DDR2: variants seen among roughly 807,000 people sequenced by gnomAD.
DDR2 encodes discoidin domain-containing receptor 2.
In DDR2, 27 loss-of-function variants were observed where a neutral mutation model predicts 94.9. That is an observed-to-expected ratio of 0.28 (90% CI 0.21 to 0.39). The LOEUF is 0.39. Among genes scored for constraint, DDR2 ranks in the 10% least tolerant of loss-of-function variants. DDR2 has a pLI of 1.00. For missense variants in DDR2, 783 were observed against 1,076.0 expected, an observed-to-expected ratio of 0.73 and a Z score of 3.81; for synonymous variants, 382 against 377.2, an observed-to-expected ratio of 1.01 and a Z score of -0.15.
At chr1:162,676,033 A>C (rs952101341) in intron 2 of DDR2, among the ~76,000 whole-genome samples, 1 of 152,236 alleles carries the variant, frequency 6.6e-6, no homozygotes, top group South Asian at 2.1e-4. Flanking sequence ...AAGTGAGTTG[A>C]AAACTGTGTG....
In DDR2 at chr1:162,742,817, G is replaced by A. The variant is rs147060513; in HGVS notation, c.83-10278G>A. ...AGGCCTCAGAATCATGGCACGAGGC[G>A]AAAGGCACTTCTTACATGGCAGCAG... On this transcript the variant is annotated intron_variant, in intron 3 of 17. Coordinates refer to ENST00000367921, the MANE Select transcript of DDR2 (RefSeq NM_006182.4). 5.2e-3 allele frequency among the ~76,000 whole-genome samples: 799 copies of A among 152,292 alleles called. 12 individuals are homozygous for A. Among genetic ancestry groups the A allele is most frequent in the African/African-American group, 0.018 (744 of 41,546 alleles).
chr1:162,753,280 G>A, intron 4 of DDR2, 83 bp downstream of exon 4: 2 of 1,268,118 alleles, frequency 1.6e-6, no homozygotes, highest in Non-Finnish European at 2.3e-6. Flanking sequence ...TAGGGGCTGG[G>A]GAAGGTGGTG....
intron 1 of DDR2, 111 bp from the exon 2 acceptor site, chr1:162,655,100 G>T (rs1342419344): frequency 2.0e-5 from 3 of 152,048 alleles, no homozygotes; most frequent in Non-Finnish European, 4.4e-5. Flanking sequence ...TTTAGTGCCT[G>T]GTGTGCTTGG....
intron 3 of DDR2, among the ~76,000 whole-genome samples, chr1:162,732,784 G>C (rs1662121964): frequency 6.6e-6 from 1 of 152,242 alleles, no homozygotes; most frequent in Admixed American, 6.5e-5. Context: ...TCATTGACGG[G>C]GAGCCCGTGG....
At chr1:162,723,775 T>C (rs932651790) in intron 3 of DDR2, among the ~76,000 whole-genome samples, 7 of 152,288 alleles carry the variant, frequency 4.6e-5, no homozygotes, top group African/African-American at 1.7e-4. Context: ...AGGGCAGTGC[T>C]GGAACTTCCC....
intron 3 of DDR2, among the ~76,000 whole-genome samples, chr1:162,748,272 C>G (rs1385479120): frequency 6.6e-6 from 1 of 152,110 alleles, no homozygotes; most frequent in South Asian, 2.1e-4. Context: ...TGTGCAGAGA[C>G]ACACATAGGC....
intron 1 of DDR2, among the ~76,000 whole-genome samples, chr1:162,650,499 G>A (rs576184333): frequency 5.2e-4 from 79 of 152,238 alleles, no homozygotes; most frequent in African/African-American, 1.8e-3. Context: ...AGGAGGCTGA[G>A]GCAGGAGAAT....
rs974413332 is a variant in DDR2, at chr1:162,741,293, A to G, written c.83-11802A>G. On this transcript the variant is annotated intron_variant, in intron 3 of 17. Coordinates refer to ENST00000367921, the MANE Select transcript of DDR2 (RefSeq NM_006182.4). ...ATAATATAATATAATATAATATAATATAATATAATATAATATAATATAATA... is the reference window on the plus strand; with the variant it reads ...ATAATATAATATAATATAATATAATGTAATATAATATAATATAATATAATA... 6.2e-3 allele frequency among the ~76,000 whole-genome samples: 898 copies of G among 144,210 alleles called. 8 individuals carry two copies. The highest frequency in any genetic ancestry group is 0.021 in the African/African-American group (839 of 39,660). 94.6% of individuals were successfully genotyped at this position (144,210 alleles called of 152,430 possible).
In DDR2 at chr1:162,646,212, A is replaced by C. The variant is rs550469395; in HGVS notation, c.-191-8999A>C. 2.6e-5 allele frequency among the ~76,000 whole-genome samples: 4 copies of C among 152,350 alleles called. No individual in the cohort carries two copies. In the South Asian group the frequency reaches 6.2e-4, roughly 24 times the overall value. On this transcript the variant is annotated intron_variant, in intron 1 of 17. Transcript: ENST00000367921. ...TTAAAATGTTAAATTATAATCGAAGACAGAAAATTTTTTAAATCCTAGAAC... is the reference window on the plus strand; with the variant it reads ...TTAAAATGTTAAATTATAATCGAAGCCAGAAAATTTTTTAAATCCTAGAAC...
chr1:162,777,146 A>G (rs1294849800), intron 16 of DDR2, among the ~76,000 whole-genome samples: 1 of 152,176 alleles, frequency 6.6e-6, no homozygotes, highest in Non-Finnish European at 1.5e-5. Context: ...TAAAAAATGT[A>G]TAGTTATTCC....
At chr1:162,716,241 A>G (rs978241409) in intron 2 of DDR2, among the ~76,000 whole-genome samples, 17 of 152,188 alleles carry the variant, frequency 1.1e-4, no homozygotes, top group Non-Finnish European at 2.2e-4. Flanking sequence ...CCAGTAACCC[A>G]TGAGAGAGGT....
intron 10 of DDR2, among the ~76,000 whole-genome samples, chr1:162,766,366 T>C (rs963010818): frequency 1.3e-5 from 2 of 152,150 alleles, no homozygotes; most frequent in African/African-American, 4.8e-5. Flanking sequence ...GTCAGACCCA[T>C]AGTGGGTATT....
At chr1:162,730,885 C>T (rs910395647) in intron 3 of DDR2, among the ~76,000 whole-genome samples, 14 of 152,292 alleles carry the variant, frequency 9.2e-5, no homozygotes, top group African/African-American at 3.1e-4. Context: ...CCAGGTCTCC[C>T]TCAAAAACTC....
At chr1:162,758,176 A>T (rs1272610521) in intron 7 of DDR2, among the ~76,000 whole-genome samples, 1 of 151,942 alleles carries the variant, frequency 6.6e-6, no homozygotes, top group African/African-American at 2.4e-5. Context: ...GGGGAAAGAT[A>T]AAAAAAATTA....
chr1:162,694,097 A>G (rs998006117), intron 2 of DDR2, among the ~76,000 whole-genome samples: 2 of 152,128 alleles, frequency 1.3e-5, no homozygotes, highest in African/African-American at 2.4e-5. Context: ...GGTGGTCTCA[A>G]ACTCCTGGTT....
chr1:162,656,664 C>A lies in DDR2; in HGVS notation c.-28+1290C>A, dbSNP rs571617325. On this transcript the variant is annotated intron_variant, in intron 2 of 17. Transcript: ENST00000367921. ...TAAGAGGTCTTAACTTGAGCCTTCA[C>A]AGTGTATATTTTAGAATGAATAATT... 3.3e-5 allele frequency among the ~76,000 whole-genome samples: 5 copies of A among 151,876 alleles called. No homozygotes were observed. In the South Asian group the frequency reaches 1.0e-3, roughly 32 times the overall value.
At chr1:162,693,943 C>T (rs1660069774) in intron 2 of DDR2, among the ~76,000 whole-genome samples, 1 of 152,164 alleles carries the variant, frequency 6.6e-6, no homozygotes, top group Admixed American at 6.5e-5. Context: ...AGCTAAATCT[C>T]TCATAGTTTG....
intron 2 of DDR2, among the ~76,000 whole-genome samples, chr1:162,700,519 G>C (rs752388268): frequency 3.9e-5 from 6 of 152,212 alleles, no homozygotes; most frequent in Non-Finnish European, 8.8e-5. Context: ...ATAGTATGGA[G>C]AGTGCTGAGC....
intron 2 of DDR2, among the ~76,000 whole-genome samples, chr1:162,663,518 T>C (rs1658406904): frequency 6.6e-6 from 1 of 152,208 alleles, no homozygotes; most frequent in African/African-American, 2.4e-5. Context: ...AGCAGAGTTG[T>C]AAAATGATAT....
Sources: gnomAD v4.1 joint callset for allele counts (sites outside exome capture counted in the v4.1 genomes callset) on GRCh38, gnomAD v4.1.1 for gene constraint, MANE v1.5 for transcripts, NCBI Gene and HGNC (gene_info 2026-07-23, HGNC 2026-07-21) for gene names.